TRANK1: variants seen among roughly 807,000 people sequenced by gnomAD.
The protein encoded by TRANK1 is tetratricopeptide repeat and ankyrin repeat containing 1.
In TRANK1, 198 loss-of-function variants were observed where a neutral mutation model predicts 266.0. That is an observed-to-expected ratio of 0.74 (90% CI 0.66 to 0.84). The LOEUF (loss-of-function observed/expected upper bound fraction) is 0.84. Ranked by LOEUF, TRANK1 falls within the 40% of genes least tolerant of loss-of-function variation. The probability of loss-of-function intolerance (pLI) is 0.00; values close to 1 mark genes in which losing one functional copy is unlikely to be tolerated. For missense variants in TRANK1, 3,326 were observed against 3,634.6 expected, an observed-to-expected ratio of 0.92 and a Z score of 2.18; for synonymous variants, 1,396 against 1,384.1, an observed-to-expected ratio of 1.01 and a Z score of -0.19.
intron 14 of TRANK1, 121 bp downstream of exon 14, chr3:36,852,025 C>T (rs2078991155): frequency 1.5e-6 from 2 of 1,366,286 alleles, no homozygotes; most frequent in Admixed American, 2.9e-5. Flanking sequence ...ATCTCTGGAA[C>T]TCACCCACTG....
intron 1 of TRANK1, among the ~76,000 whole-genome samples, chr3:36,923,433 T>G (rs1326943182): frequency 6.6e-6 from 1 of 152,074 alleles, no homozygotes; most frequent in Non-Finnish European, 1.5e-5. Context: ...TTGTTGTATT[T>G]TTAGTATAGA....
chr3:36,890,560 C>A (rs962531378), intron 7 of TRANK1, among the ~76,000 whole-genome samples: 1 of 152,146 alleles, frequency 6.6e-6, no homozygotes. Context: ...GGGTTGTTAG[C>A]AGCTAACATT....
At chr3:36,930,609 C>A (rs1363612869) in intron 1 of TRANK1, among the ~76,000 whole-genome samples, 4 of 152,052 alleles carry the variant, frequency 2.6e-5, no homozygotes, top group African/African-American at 4.8e-5. Context: ...GAAAATGATA[C>A]CACAGCAATA....
rs745797912 is a variant in TRANK1 at position 36,827,610 on chromosome 3, G to A, written c.*665C>T. 1 of 152,372 alleles carries A rather than the reference G, an allele frequency of 6.6e-6. No homozygotes were observed. The highest frequency in any genetic ancestry group is 2.4e-5 in the African/African-American group (1 of 41,454). The allele number at this position is 152,372 out of a possible 1,614,324, so 9.4% of individuals were successfully genotyped here. On this transcript the variant is annotated 3_prime_UTR_variant, in exon 24 of 24. Transcript: ENST00000645898. Reference sequence around the variant, plus strand: ...CTGGGTGAATTCTTGACTACATTCTGAGGTAGTCTAACTGTGACTTGGCAC... The same window carrying A: ...CTGGGTGAATTCTTGACTACATTCTAAGGTAGTCTAACTGTGACTTGGCAC...
rs1474007210 is a variant in TRANK1, at chr3:36,828,215, C to A, written c.*60G>T. On this transcript the variant is annotated 3_prime_UTR_variant, in exon 24 of 24. Coordinates refer to ENST00000645898, the MANE Select transcript of TRANK1 (RefSeq NM_001329998.2). ...TCTTTTTGTCTTCTGCCCCAGCGCT[C>A]AGAATTCTAAGTCAGAATGGAATGT... 18 of 1,321,230 alleles carry A rather than the reference C, an allele frequency of 1.4e-5. 1 individual carries two copies. The highest frequency in any genetic ancestry group is 1.1e-6 in the Non-Finnish European group (1 of 931,972). The allele number at this position is 1,321,230 out of a possible 1,614,324, so 81.8% of individuals were successfully genotyped here. A position where few individuals can be genotyped will look rare whatever the true frequency, so the allele number is the denominator to read the frequency against.
At chr3:36,915,205 C>A (rs1260118761) in intron 1 of TRANK1, among the ~76,000 whole-genome samples, 1 of 152,160 alleles carries the variant, frequency 6.6e-6, no homozygotes, top group Non-Finnish European at 1.5e-5. Context: ...CCCGCCTTGG[C>A]CTCCCAAAGT....
At chr3:36,892,756 A>G (rs2079720582) in intron 6 of TRANK1, 145 bp downstream of exon 6, 1 of 257,458 alleles carries the variant, frequency 3.9e-6, no homozygotes, top group African/African-American at 2.3e-5. Context: ...GCTTCAACCC[A>G]GGAGGAGGAG....
chr3:36,842,496 A>T (rs1265440506), intron 18 of TRANK1, 126 bp downstream of exon 18: 10 of 800,408 alleles, frequency 1.2e-5, no homozygotes, highest in Non-Finnish European at 1.9e-5. Flanking sequence ...CTGATGTTTC[A>T]GAACACGTGG....
chr3:36,856,188 T>C lies in TRANK1; in HGVS notation c.3534A>G (p.Val1178=), dbSNP rs754610737. 48 of 1,613,846 alleles carry C rather than the reference T, an allele frequency of 3.0e-5. No homozygotes were observed. Among genetic ancestry groups the C allele is most frequent in the Middle Eastern group, 1.6e-4 (1 of 6,084 alleles). Reference sequence around the variant, plus strand: ...GCTGGTGGGGATGTTCTGGTGCACATACTTCTGCAGCTTGGCCGTCCCCTG... The same window carrying C: ...GCTGGTGGGGATGTTCTGGTGCACACACTTCTGCAGCTTGGCCGTCCCCTG... The part of the protein sequence containing the change: ...EPAGDGQAAE[V]CAPEHPHQLE... The change falls in exon 13 of 24, where the codon GTA becomes GTG. Residue 1178 remains valine, a synonymous_variant. Transcript: ENST00000645898.
At chr3:36,903,342 C>G (rs985223432) in intron 2 of TRANK1, 67 bp from the exon 3 acceptor site, 2 of 1,497,938 alleles carry the variant, frequency 1.3e-6, no homozygotes, top group Admixed American at 2.0e-5. Flanking sequence ...GAAGTCCCCC[C>G]ATTCGGTGCT....
Position 36,855,195 on chromosome 3 carries a change from G to A in TRANK1, c.4527C>T (p.Tyr1509=), listed in dbSNP as rs1181411613. 1 of 1,612,310 alleles carries A rather than the reference G, an allele frequency of 6.2e-7. No homozygotes were observed. Among genetic ancestry groups the A allele is most frequent in the Non-Finnish European group, 8.5e-7 (1 of 1,178,654 alleles). ...TACCTGAGTGGGACCTGTAATTCTG[G>A]TACAGCTGGTGGATCTTCTTGGGCT... is the stretch of plus-strand genomic sequence containing the variant. ...VRKPKKIHQL[Y]QNYRSHSGIL... The change falls in exon 13 of 24, where the codon TAC becomes TAT. Residue 1509 remains tyrosine (Y), a synonymous_variant. Coordinates refer to ENST00000645898, the MANE Select transcript of TRANK1 (RefSeq NM_001329998.2).
chr3:36,935,729 G>A (rs2080417218), intron 1 of TRANK1, among the ~76,000 whole-genome samples: 1 of 152,160 alleles, frequency 6.6e-6, no homozygotes, highest in Non-Finnish European at 1.5e-5. Flanking sequence ...TTACAGGCGT[G>A]AGTCACCGCA....
chr3:36,943,263 C>A (rs2125675770), intron 1 of TRANK1, among the ~76,000 whole-genome samples: 1 of 152,178 alleles, frequency 6.6e-6, no homozygotes, highest in Non-Finnish European at 1.5e-5. Flanking sequence ...ATAACTATAC[C>A]ATGAAGCTCT....
At position 36,857,055 on chromosome 3, in the gene TRANK1, G is replaced by C. The variant is rs200977390; in HGVS notation, c.2667C>G (p.Phe889Leu). ...GGGCTCCTTTGTCCAGCTTAGCTTC[G>C]AAGAGCTGGATGCTTCCTTTCAGGT... ...LKHLKGSIQL[F>L]EAKLDKGARM... Residue 889 changes from phenylalanine (F) to leucine (L), a missense_variant, in exon 13 of 24, where the codon TTC becomes TTG. Phe to Leu is a conservative substitution (Grantham distance 22). Transcript: ENST00000645898. This position sits in a 1 kb window ranked among gnomAD's most constrained non-coding sequence, Gnocchi z 4.3. The C allele has an allele frequency of 2.5e-6, 4 of 1,614,004 alleles. No individual in the cohort carries two copies. Among genetic ancestry groups the C allele is most frequent in the Non-Finnish European group, 3.4e-6 (4 of 1,179,894 alleles).
In TRANK1 at chr3:36,917,632, G is replaced by A. The variant is rs574275493; in HGVS notation, c.24-9178C>T. 6.6e-5 allele frequency among the ~76,000 whole-genome samples: 10 copies of A among 152,290 alleles called. No individual in the cohort carries two copies. In the East Asian group the frequency reaches 7.7e-4, roughly 12 times the overall value. ...GCAGAGAAGAGAGAGGCGAGTTTAA[G>A]ATTTTCTCCAAGTACCATTTCTTTC... On this transcript the variant is annotated intron_variant, in intron 1 of 23. Transcript: ENST00000645898.
Position 36,833,555 on chromosome 3 carries a change from T to C in TRANK1, c.6028A>G (p.Lys2010Glu). The C allele has an allele frequency of 6.2e-7, 1 of 1,613,940 alleles. No homozygotes were observed. Among genetic ancestry groups the C allele is most frequent in the Non-Finnish European group, 8.5e-7 (1 of 1,179,888 alleles). The stretch of plus-strand genomic sequence containing the variant: ...TCAAGTGCTTCTCTCAGAATGTCCT[T>C]GGTGTGTTCTATGTCGGAATCCCTG... Reference protein sequence around the residue: ...VARDSDIEHTKDILREALDIC... With the variant: ...VARDSDIEHTEDILREALDIC... The change falls in exon 22 of 24, where the codon AAG (lysine) becomes GAG (glutamate). Residue 2010 changes from lysine (K) to glutamate (E), a missense_variant. Lys to Glu is a moderately conservative substitution (Grantham distance 56). Transcript: ENST00000645898.
intron 20 of TRANK1, 111 bp downstream of exon 20, chr3:36,838,261 C>A: frequency 6.7e-7 from 1 of 1,488,110 alleles, no homozygotes; most frequent in Non-Finnish European, 9.0e-7. Flanking sequence ...GTGTCTCCCT[C>A]CTTGGAAGAC....
At chr3:36,858,099 G>C in intron 12 of TRANK1, 50 bp from the exon 13 acceptor site, 1 of 1,417,196 alleles carries the variant, frequency 7.1e-7, no homozygotes, top group Non-Finnish European at 9.3e-7. Flanking sequence ...TCTTCTTAGG[G>C]GACAGCAGAC....
At position 36,857,930 on chromosome 3, in the gene TRANK1, G is replaced by A. The variant is rs778356924; in HGVS notation, c.1792C>T (p.Leu598Phe). ...DSNGNTLMHILFQKGMLKRVK... is the reference protein window; with the variant it reads ...DSNGNTLMHIFFQKGMLKRVK... ...CGCTTTAGCATGCCCTTCTGGAAGAGGATGTGCATCAGCGTGTTCCCATTG... is the reference window on the plus strand; with the variant it reads ...CGCTTTAGCATGCCCTTCTGGAAGAAGATGTGCATCAGCGTGTTCCCATTG... The change falls in exon 13 of 24, where the codon CTC (leucine) becomes TTC (phenylalanine). Residue 598 changes from leucine to phenylalanine, a missense_variant. Coordinates refer to ENST00000645898, the MANE Select transcript of TRANK1 (RefSeq NM_001329998.2). This position sits in a 1 kb window ranked among gnomAD's most constrained non-coding sequence, Gnocchi z 4.3. The A allele has an allele frequency of 3.1e-6, 5 of 1,605,550 alleles. No homozygotes were observed. The African/African-American group carries it at 4.0e-5, about 13-fold the overall frequency.
Sources: gnomAD v4.1 joint callset for allele counts (sites outside exome capture counted in the v4.1 genomes callset) on GRCh38, gnomAD v4.1.1 for gene constraint, Gnocchi (gnomAD v3.1) non-coding constraint, MANE v1.5 for transcripts, NCBI Gene and HGNC (gene_info 2026-07-23, HGNC 2026-07-21) for gene names.